Variants in BMPR1B observed in about 807,000 individuals in gnomAD.
BMPR1B encodes the protein bone morphogenetic protein receptor type-1B.
Under a neutral mutation model 59.1 loss-of-function variants are expected in BMPR1B, and 12 were observed. The observed-to-expected ratio is 0.20, with a 90% CI of 0.13 to 0.33. The LOEUF (loss-of-function observed/expected upper bound fraction) is 0.33, where lower values mean the gene tolerates loss of function less well. Ranked by LOEUF, BMPR1B falls within the 10% of genes least tolerant of loss-of-function variation. The pLI is 1.00. For missense variants in BMPR1B, 550 were observed against 610.9 expected, an observed-to-expected ratio of 0.90 and a Z score of 1.05; for synonymous variants, 237 against 207.3, an observed-to-expected ratio of 1.14 and a Z score of -1.23.
intron 3 of BMPR1B, among the ~76,000 whole-genome samples, chr4:95,076,082 A>G (rs1242575146): frequency 1.3e-5 from 2 of 152,178 alleles, no homozygotes; most frequent in African/African-American, 4.8e-5. Context: ...GTATGCAGAA[A>G]TGGAAGTGTT....
chr4:95,008,294 G>A (rs530893206), intron 3 of BMPR1B, among the ~76,000 whole-genome samples: 4 of 152,240 alleles, frequency 2.6e-5, no homozygotes, highest in South Asian at 4.1e-4. Context: ...TTGTCACCTC[G>A]ATTTTCTTTT....
chr4:95,001,872 A>G (rs1023179494), intron 3 of BMPR1B, among the ~76,000 whole-genome samples: 3 of 152,134 alleles, frequency 2.0e-5, no homozygotes, highest in Non-Finnish European at 4.4e-5. Flanking sequence ...ACCACTCCCA[A>G]AGAAGTTGGG....
intron 1 of BMPR1B, among the ~76,000 whole-genome samples, chr4:94,787,640 C>G (rs940635276): frequency 7.9e-5 from 12 of 152,282 alleles, no homozygotes; most frequent in Non-Finnish European, 1.3e-4. Context: ...GGTTTAACCA[C>G]GTCTTTGGTT....
chr4:95,131,593 AT>A (rs1416195265), intron 10 of BMPR1B, 81 bp downstream of exon 10: 50 of 1,475,278 alleles, frequency 3.4e-5, no homozygotes, highest in Non-Finnish European at 2.5e-5. Context: ...CTTCTAGGAT[AT>A]TTAGTAGAAG....
intron 3 of BMPR1B, among the ~76,000 whole-genome samples, chr4:95,085,191 A>G (rs1055385773): frequency 6.6e-6 from 1 of 152,142 alleles, no homozygotes; most frequent in Non-Finnish European, 1.5e-5. Flanking sequence ...CCAAGAAGGA[A>G]TGTATCAAAG....
In BMPR1B at chr4:95,011,424, C is replaced by T. The variant is rs115736739; in HGVS notation, c.-18+15290C>T. Among the ~76,000 whole-genome samples the T allele has an allele frequency of 7.0e-3, 1,066 of 152,242 alleles. 9 individuals carry two copies. The highest frequency in any genetic ancestry group is 0.023 in the African/African-American group (951 of 41,548). On this transcript the variant is annotated intron_variant, in intron 3 of 12. Coordinates refer to ENST00000515059, the MANE Select transcript of BMPR1B (RefSeq NM_001203.3). ...CACAGAGCTCAGGGACCTAGTATCT[C>T]TCTCTTTTTCTGCTCCGCCAGCCTA...
chr4:95,157,785 A>C lies in BMPR1B; in HGVS notation c.*3112A>C, dbSNP rs1160205899. On this transcript the variant is annotated 3_prime_UTR_variant, in exon 13 of 13. Coordinates refer to ENST00000515059, the MANE Select transcript of BMPR1B (RefSeq NM_001203.3). ...ATTGTTAAATCACAAAAAGAGTGCTATGACCATTATGTATGAGGAAACAGG... is the reference window on the plus strand; with the variant it reads ...ATTGTTAAATCACAAAAAGAGTGCTCTGACCATTATGTATGAGGAAACAGG... 6.6e-6 allele frequency: 1 copy of C among 151,966 alleles called. No homozygotes were observed. Among genetic ancestry groups the C allele is most frequent in the African/African-American group, 2.4e-5 (1 of 41,374 alleles). 9.4% of individuals were successfully genotyped at this position (151,966 alleles called of 1,614,324 possible).
intron 2 of BMPR1B, among the ~76,000 whole-genome samples, chr4:94,891,747 C>T (rs114505485): frequency 1.1e-3 from 171 of 152,114 alleles, no homozygotes; most frequent in African/African-American, 3.7e-3. Flanking sequence ...CTTACCAGAT[C>T]AGTTACAATT....
intron 3 of BMPR1B, among the ~76,000 whole-genome samples, chr4:95,053,280 C>T (rs1410620235): frequency 2.0e-5 from 1 of 50,606 alleles, no homozygotes; most frequent in Non-Finnish European, 4.8e-5. Context: ...TTGCAGGGCA[C>T]TTGTGTGTGT....
chr4:94,809,264 TATC>T (rs754753136), intron 1 of BMPR1B, among the ~76,000 whole-genome samples: 21 of 152,204 alleles, frequency 1.4e-4, no homozygotes, highest in African/African-American at 4.8e-4. Context: ...GTAAAATTGT[TATC>T]ATTGAACAGT....
chr4:94,963,080 G>T (rs1194503829), intron 2 of BMPR1B, among the ~76,000 whole-genome samples: 4 of 152,022 alleles, frequency 2.6e-5, no homozygotes, highest in Non-Finnish European at 5.9e-5. Context: ...TTAGTGATAT[G>T]GAACTTTTTA....
At chr4:94,905,352 G>C (rs922295822) in intron 2 of BMPR1B, among the ~76,000 whole-genome samples, 4 of 151,998 alleles carry the variant, frequency 2.6e-5, no homozygotes, top group Non-Finnish European at 4.4e-5. Flanking sequence ...TGCTTCTGTA[G>C]TGAAGACAAC....
chr4:95,117,970 A>G (rs1732194909), intron 6 of BMPR1B, among the ~76,000 whole-genome samples: 1 of 152,138 alleles, frequency 6.6e-6, no homozygotes, highest in Admixed American at 6.6e-5. Context: ...TGAGAAGACA[A>G]GTTCTTGGTC....
intron 3 of BMPR1B, among the ~76,000 whole-genome samples, chr4:95,032,408 A>G (rs1390571901): frequency 6.6e-6 from 1 of 152,132 alleles, no homozygotes; most frequent in Non-Finnish European, 1.5e-5. Flanking sequence ...TTGCTTCCCA[A>G]AGGCCCCACC....
chr4:94,798,099 T>C (rs753494763), intron 1 of BMPR1B, among the ~76,000 whole-genome samples: 11 of 152,226 alleles, frequency 7.2e-5, no homozygotes, highest in African/African-American at 2.2e-4. Context: ...TTAATCTTAT[T>C]TATAGATGAA....
intron 1 of BMPR1B, among the ~76,000 whole-genome samples, chr4:94,762,270 T>C (rs1553992385): frequency 6.6e-6 from 1 of 152,172 alleles, no homozygotes; most frequent in Non-Finnish European, 1.5e-5. Context: ...ATTGAACTTG[T>C]AGAGAGTGAA....
At chr4:95,120,610 T>TTTCCTTCCTTCC (rs777085969) in intron 6 of BMPR1B, among the ~76,000 whole-genome samples, 6,121 of 122,578 alleles carry the variant, frequency 0.05, 284 homozygotes, top group Middle Eastern at 0.13. Context: ...ATAGCCTGCC[T>TTTCCTTCCTTCC]TTCCTTCCTT....
At chr4:95,009,067 A>C (rs1008750826) in intron 3 of BMPR1B, among the ~76,000 whole-genome samples, 2 of 152,162 alleles carry the variant, frequency 1.3e-5, no homozygotes, top group Admixed American at 6.5e-5. Context: ...TCTTAGAAAA[A>C]AAAAGAGTGA....
chr4:94,985,753 G>A (rs1027645245), intron 2 of BMPR1B, among the ~76,000 whole-genome samples: 28 of 152,074 alleles, frequency 1.8e-4, no homozygotes, highest in African/African-American at 6.3e-4. Flanking sequence ...TATTTCTTTC[G>A]AACATTCACA....
Sources: allele counts gnomAD v4.1 joint callset (sites outside exome capture counted in the v4.1 genomes callset), GRCh38; gene constraint gnomAD v4.1.1; transcripts MANE v1.5; gene names NCBI Gene and HGNC (gene_info 2026-07-23, HGNC 2026-07-21).